Variants in NCKAP5 observed in about 807,000 individuals in gnomAD.
NCKAP5 encodes nck-associated protein 5.
Under a neutral mutation model 167.0 loss-of-function variants are expected in NCKAP5, and 92 were observed. The observed-to-expected ratio is 0.55, with a 90% confidence interval of 0.47 to 0.66. The LOEUF is 0.66. Ranked by LOEUF, NCKAP5 falls within the 30% of genes least tolerant of loss-of-function variation. The probability of loss-of-function intolerance (pLI) is 0.00; values close to 1 mark genes in which losing one functional copy is unlikely to be tolerated. For synonymous variants in NCKAP5, 891 were observed against 877.4 expected, an observed-to-expected ratio of 1.02 and a Z score of -0.27; for missense variants, 2,378 against 2,315.0, an observed-to-expected ratio of 1.03 and a Z score of -0.56.
At chr2:133,342,911 A>G (rs1251555357) in intron 3 of NCKAP5, among the ~76,000 whole-genome samples, 1 of 152,144 alleles carries the variant, frequency 6.6e-6, no homozygotes, top group African/African-American at 2.4e-5. Context: ...ACATCTCTCC[A>G]TGTCACAGCA....
intron 5 of NCKAP5, among the ~76,000 whole-genome samples, chr2:133,199,458 A>T (rs2085578432): frequency 6.6e-6 from 1 of 152,080 alleles, no homozygotes; most frequent in African/African-American, 2.4e-5. Flanking sequence ...ATAAATGGAC[A>T]ATAAGCACAT....
At position 132,836,886 on chromosome 2, in the gene NCKAP5, CT is replaced by C. The variant is rs554256716; in HGVS notation, c.807+23605del. Among the ~76,000 whole-genome samples, 213 of 152,278 alleles carry C rather than the reference CT, an allele frequency of 1.4e-3. 1 individual carries two copies. Among genetic ancestry groups the C allele is most frequent in the African/African-American group, 4.9e-3 (202 of 41,560 alleles). On this transcript the variant is annotated intron_variant, in intron 11 of 19. Transcript: ENST00000409261. ...TTTTGCTGCTTTCTTGTATCAAATCCTGTATTAGGCCAAATACGTCTTCCCA... is the reference window on the plus strand; with the variant it reads ...TTTTGCTGCTTTCTTGTATCAAATCCGTATTAGGCCAAATACGTCTTCCCA...
chr2:132,785,029 C>T lies in NCKAP5; in HGVS notation c.1782G>A (p.Glu594=). ...DNETFDELHI[E]SSDEKSPSDV... is the part of the protein sequence containing the mutation. ...CTGAAGGACTTTTCTCATCACTGCT[C>T]TCTATGTGCAGCTCATCAAACGTTT... Residue 594 remains glutamate, a synonymous_variant, in exon 14 of 20, where the codon GAG becomes GAA. Transcript: ENST00000409261. 6.2e-7 allele frequency: 1 copy of T among 1,614,010 alleles called. No homozygotes were observed. Among genetic ancestry groups the T allele is most frequent in the Non-Finnish European group, 8.5e-7 (1 of 1,179,880 alleles).
chr2:133,497,257 G>GA (rs1358661750), intron 3 of NCKAP5, among the ~76,000 whole-genome samples: 8 of 152,250 alleles, frequency 5.3e-5, no homozygotes, highest in African/African-American at 1.9e-4. Flanking sequence ...TTTGATTTAA[G>GA]AAAAAATAAA....
intron 16 of NCKAP5, among the ~76,000 whole-genome samples, chr2:132,743,112 T>C (rs75672970): frequency 0.024 from 3,685 of 151,868 alleles, 156 homozygotes; most frequent in African/African-American, 0.084. Context: ...TTTTCTGACA[T>C]TGAAAGATAA....
At chr2:132,766,038 T>C (rs945059249) in intron 16 of NCKAP5, among the ~76,000 whole-genome samples, 5 of 151,924 alleles carry the variant, frequency 3.3e-5, no homozygotes, top group African/African-American at 4.8e-5. Context: ...TCCCGGCACT[T>C]TGGGAGGCCA....
chr2:132,777,852 A>T (rs1682682660), intron 15 of NCKAP5, among the ~76,000 whole-genome samples: 1 of 149,430 alleles, frequency 6.7e-6, no homozygotes, highest in Non-Finnish European at 1.5e-5. Context: ...AGCAGACATG[A>T]TTTTTTTTTT....
chr2:132,781,324 T>A, intron 14 of NCKAP5, 95 bp from the exon 15 acceptor site: 1 of 1,181,834 alleles, frequency 8.5e-7, no homozygotes, highest in Non-Finnish European at 1.2e-6. Flanking sequence ...AGTAACCTCT[T>A]TGTAGCTCTT....
chr2:133,488,378 C>T (rs1191384906), intron 3 of NCKAP5, among the ~76,000 whole-genome samples: 1 of 152,174 alleles, frequency 6.6e-6, no homozygotes, highest in African/African-American at 2.4e-5. Flanking sequence ...CAGACATTGA[C>T]TAGAGCTCTA....
intron 3 of NCKAP5, among the ~76,000 whole-genome samples, chr2:133,502,992 G>A (rs927780716): frequency 3.9e-5 from 6 of 152,176 alleles, no homozygotes; most frequent in Admixed American, 1.3e-4. Flanking sequence ...CCAGTTGGGT[G>A]AGCCTACTTC....
intron 3 of NCKAP5, among the ~76,000 whole-genome samples, chr2:133,322,273 T>G (rs1273832471): frequency 6.6e-6 from 1 of 152,020 alleles, no homozygotes; most frequent in Non-Finnish European, 1.5e-5. Flanking sequence ...CCTAGGAGAA[T>G]GAGACAAAGC....
At chr2:133,474,831 GAC>G (rs1679740069) in intron 3 of NCKAP5, among the ~76,000 whole-genome samples, 1 of 151,758 alleles carries the variant, frequency 6.6e-6, no homozygotes. Flanking sequence ...TTGTTTTTGA[GAC>G]ACAGTCTTGC....
chr2:132,897,801 A>G (rs1438614664), intron 8 of NCKAP5, among the ~76,000 whole-genome samples: 1 of 152,200 alleles, frequency 6.6e-6, no homozygotes, highest in Non-Finnish European at 1.5e-5. Flanking sequence ...TAATGTACAC[A>G]CCATAATTCA....
Position 132,955,303 on chromosome 2 carries a change from C to A in NCKAP5, c.579+8417G>T, listed in dbSNP as rs147059141. Among the ~76,000 whole-genome samples, 1,007 of 152,244 alleles carry A rather than the reference C, an allele frequency of 6.6e-3. 10 individuals carry two copies. The highest frequency in any genetic ancestry group is 0.023 in the African/African-American group (944 of 41,550). Reference sequence around the variant, plus strand: ...AAGGTGGCATGAAGCCACTGAAGAGCACTTTGGATGATGACCTTTCCCCAG... The same window carrying A: ...AAGGTGGCATGAAGCCACTGAAGAGAACTTTGGATGATGACCTTTCCCCAG... On this transcript the variant is annotated intron_variant, in intron 8 of 19. Coordinates refer to ENST00000409261, the MANE Select transcript of NCKAP5 (RefSeq NM_207363.3).
chr2:133,361,634 A>C (rs929973945), intron 3 of NCKAP5, among the ~76,000 whole-genome samples: 2 of 152,196 alleles, frequency 1.3e-5, no homozygotes, highest in African/African-American at 4.8e-5. Context: ...TTCCTGCCAC[A>C]AGAAAAGGCC....
intron 6 of NCKAP5, among the ~76,000 whole-genome samples, chr2:133,075,673 G>T (rs2080576471): frequency 6.6e-6 from 1 of 152,134 alleles, no homozygotes; most frequent in African/African-American, 2.4e-5. Flanking sequence ...AGGCATTAAT[G>T]TTGTAATCTT....
intron 19 of NCKAP5, among the ~76,000 whole-genome samples, chr2:132,707,745 G>A (rs1175868021): frequency 6.6e-6 from 1 of 152,190 alleles, no homozygotes; most frequent in African/African-American, 2.4e-5. Context: ...GGTGAGCCCA[G>A]AAGATCCTAG....
intron 9 of NCKAP5, among the ~76,000 whole-genome samples, chr2:132,877,749 C>T (rs1691393770): frequency 6.6e-6 from 1 of 152,068 alleles, no homozygotes; most frequent in South Asian, 2.1e-4. Flanking sequence ...CCATTGACTT[C>T]TGAGACAGTG....
intron 8 of NCKAP5, among the ~76,000 whole-genome samples, chr2:132,950,916 CAG>C (rs544826172): frequency 2.0e-5 from 3 of 151,024 alleles, no homozygotes; most frequent in Non-Finnish European, 4.4e-5. Flanking sequence ...AAAACAGAAA[CAG>C]AAAAAAAAAT....
Sources: gnomAD v4.1 joint callset for allele counts (sites outside exome capture counted in the v4.1 genomes callset) on GRCh38, gnomAD v4.1.1 for gene constraint, MANE v1.5 for transcripts, NCBI Gene and HGNC (gene_info 2026-07-23, HGNC 2026-07-21) for gene names.